Variants in RNF38 observed in about 807,000 individuals in gnomAD.
RNF38 encodes the protein ring finger protein 38.
A neutral mutation model predicts 67.2 loss-of-function variants in RNF38; 15 were observed. The observed-to-expected ratio is 0.22, with a 90% CI of 0.15 to 0.34. The LOEUF (loss-of-function observed/expected upper bound fraction) is 0.34, where lower values mean the gene tolerates loss of function less well. Among genes scored for constraint, RNF38 ranks in the 10% least tolerant of loss-of-function variants. The pLI, the probability that RNF38 is intolerant of heterozygous loss-of-function variation, is 1.00. For missense variants in RNF38, 524 were observed against 639.9 expected (o/e 0.82, Z 1.95); for synonymous variants, 220 against 218.8 (o/e 1.01, Z -0.05).
intron 2 of RNF38, among the ~76,000 whole-genome samples, chr9:36,385,599 G>T (rs1836561322): frequency 6.6e-6 from 1 of 151,954 alleles, no homozygotes; most frequent in Non-Finnish European, 1.5e-5. Flanking sequence ...GGCTAGTCTT[G>T]AACTCCTGAC....
intron 2 of RNF38, among the ~76,000 whole-genome samples, chr9:36,416,253 T>C (rs1275465964): frequency 1.3e-5 from 2 of 151,162 alleles, no homozygotes; most frequent in Non-Finnish European, 2.9e-5. Flanking sequence ...GCCAATAAAA[T>C]TGTATTCCCT....
intron 1 of RNF38, among the ~76,000 whole-genome samples, chr9:36,435,624 T>G (rs1298934468): frequency 2.7e-5 from 2 of 75,098 alleles, no homozygotes; most frequent in East Asian, 2.7e-4. Flanking sequence ...TGAATGGAGG[T>G]TTTTTTTTTT....
At chr9:36,406,453 C>T (rs1243810000) in intron 2 of RNF38, among the ~76,000 whole-genome samples, 1 of 152,242 alleles carries the variant, frequency 6.6e-6, no homozygotes, top group Non-Finnish European at 1.5e-5. Context: ...ACTCCAACAA[C>T]CTCAATCTCT....
chr9:36,471,815 A>T (rs1338786284), intron 1 of RNF38, among the ~76,000 whole-genome samples: 1 of 152,148 alleles, frequency 6.6e-6, no homozygotes, highest in African/African-American at 2.4e-5. Context: ...GGATGGTCTC[A>T]AACATCTGGC....
At chr9:36,478,861 G>A (rs977100351) in intron 1 of RNF38, among the ~76,000 whole-genome samples, 2 of 151,050 alleles carry the variant, frequency 1.3e-5, no homozygotes, top group Non-Finnish European at 2.9e-5. Flanking sequence ...ATCCCTGGGA[G>A]AGTAAGCAAG....
chr9:36,365,686 G>C (rs1432994439), intron 4 of RNF38, among the ~76,000 whole-genome samples: 1 of 13,634 alleles, frequency 7.3e-5, no homozygotes, highest in African/African-American at 2.7e-4. Context: ...TTTTTTTTGA[G>C]ACGGAGCCTT....
At chr9:36,340,875 C>T (rs78245683) in intron 11 of RNF38, among the ~76,000 whole-genome samples, 48 of 152,208 alleles carry the variant, frequency 3.2e-4, no homozygotes, top group Non-Finnish European at 5.9e-4. Context: ...GCATCACCTG[C>T]TCTCCTACTT....
upstream of RNF38, chr9:36,400,915 C>A: frequency 3.1e-6 from 3 of 981,136 alleles, no homozygotes; most frequent in Non-Finnish European, 2.4e-6. Context: ...CCCCGCCGCG[C>A]CCCGCCGCAC....
At chr9:36,435,231 A>G (rs1564061819) in intron 1 of RNF38, among the ~76,000 whole-genome samples, 1 of 152,190 alleles carries the variant, frequency 6.6e-6, no homozygotes, top group Non-Finnish European at 1.5e-5. Flanking sequence ...CCTATTTTTA[A>G]ATTTTTGAAC....
chr9:36,414,499 A>G (rs1305736979), intron 2 of RNF38, among the ~76,000 whole-genome samples: 1 of 152,018 alleles, frequency 6.6e-6, no homozygotes, highest in Non-Finnish European at 1.5e-5. Context: ...AGCCTGACCT[A>G]CATGGAGAAA....
chr9:36,461,146 C>T (rs146152476), intron 1 of RNF38, among the ~76,000 whole-genome samples: 4 of 151,688 alleles, frequency 2.6e-5, no homozygotes, highest in East Asian at 2.0e-4. Context: ...ACCTGGGAGG[C>T]GGAGATTGCG....
At chr9:36,398,657 GTGAGT>G (rs1443521863) in intron 1 of RNF38, among the ~76,000 whole-genome samples, 1 of 152,220 alleles carries the variant, frequency 6.6e-6, no homozygotes, top group African/African-American at 2.4e-5. Flanking sequence ...AGAAAAGGCT[GTGAGT>G]TAAGTAGAGT....
At position 36,400,159 on chromosome 9, in the gene RNF38, C is replaced by T. The variant is rs2480459; in HGVS notation, c.-51G>A. ...CTTTTTGGACCTCAATAACCTGAAA[C>T]ACTCCCGTTTCAAAAACCAACCTCT... On this transcript the variant is annotated 5_prime_UTR_variant, in exon 1 of 12. Transcript: ENST00000259605. 17,809 of 1,604,716 alleles carry T rather than the reference C, an allele frequency of 0.011. 1,385 individuals are homozygous for T. In the African/African-American group the frequency reaches 0.18, roughly 17 times the overall value.
Position 36,347,949 on chromosome 9 carries a change from G to A in RNF38, c.1264-2996C>T, listed in dbSNP as rs941576321. Among the ~76,000 whole-genome samples the A allele has an allele frequency of 4.6e-5, 7 of 152,206 alleles. No individual in the cohort carries two copies. The East Asian group carries it at 9.7e-4, about 21-fold the overall frequency. ...AAATGAGCCGGTCATGGTGGCGGGC[G>A]CCTGTAGTCCTACCTACTCGGGAGG... is the stretch of plus-strand genomic sequence containing the variant. On this transcript the variant is annotated intron_variant, in intron 9 of 11. Transcript: ENST00000259605.
At chr9:36,351,512 A>AT (rs1386658947) in intron 8 of RNF38, among the ~76,000 whole-genome samples, 1 of 152,238 alleles carries the variant, frequency 6.6e-6, no homozygotes, top group Non-Finnish European at 1.5e-5. Flanking sequence ...GCACTTAAGT[A>AT]AAAACTCACA....
intron 1 of RNF38, among the ~76,000 whole-genome samples, chr9:36,459,898 C>T (rs1163673630): frequency 1.3e-5 from 2 of 151,662 alleles, no homozygotes; most frequent in Admixed American, 6.6e-5. Context: ...TACTCTGTGG[C>T]GATTAGTAAC....
intron 4 of RNF38, among the ~76,000 whole-genome samples, chr9:36,359,736 G>A (rs1564007615): frequency 1.7e-5 from 1 of 60,590 alleles, no homozygotes. Flanking sequence ...TTTATATTAA[G>A]ATTTTTTTTT....
chr9:36,344,983 T>C (rs1454875789), intron 9 of RNF38, 30 bp from the exon 10 acceptor site: 1 of 1,594,790 alleles, frequency 6.3e-7, no homozygotes, highest in Non-Finnish European at 8.5e-7. Context: ...CATATTTTCA[T>C]CTATCTTTAC....
At chr9:36,445,044 G>C (rs1839270471) in intron 1 of RNF38, among the ~76,000 whole-genome samples, 1 of 151,764 alleles carries the variant, frequency 6.6e-6, no homozygotes, top group Non-Finnish European at 1.5e-5. Context: ...ACTATGCTAG[G>C]GGACCCAGAA....
Sources: allele counts gnomAD v4.1 joint callset (sites outside exome capture counted in the v4.1 genomes callset), GRCh38; gene constraint gnomAD v4.1.1; transcripts MANE v1.5; gene names NCBI Gene and HGNC (gene_info 2026-07-23, HGNC 2026-07-21).